PPFIA2: variants seen among roughly 807,000 people sequenced by gnomAD.
PPFIA2 encodes PPFI scaffold protein A2, also known as liprin-alpha-2.
Under a neutral mutation model 175.5 loss-of-function variants are expected in PPFIA2, and 46 were observed. The observed-to-expected ratio is 0.26, with a 90% confidence interval of 0.21 to 0.34. The LOEUF is 0.34. Ranked by LOEUF, PPFIA2 falls within the 10% of genes least tolerant of loss-of-function variation. The probability of loss-of-function intolerance (pLI) is 1.00; values close to 1 mark genes in which losing one functional copy is unlikely to be tolerated. For synonymous variants in PPFIA2, 568 were observed against 511.4 expected (o/e 1.11, Z -1.49); for missense variants, 1,179 against 1,506.1 (o/e 0.78, Z 3.60).
At chr12:81,659,621 C>T (rs539428309) in intron 4 of PPFIA2, among the ~76,000 whole-genome samples, 8 of 152,308 alleles carry the variant, frequency 5.3e-5, no homozygotes, top group Admixed American at 4.6e-4. Flanking sequence ...TAGACTCCAC[C>T]TCTGGGGGCA....
chr12:81,744,771 A>G (rs909291257), intron 3 of PPFIA2, among the ~76,000 whole-genome samples: 1 of 152,186 alleles, frequency 6.6e-6, no homozygotes, highest in African/African-American at 2.4e-5. Context: ...CAGGGTTTCC[A>G]GAGGACTTTA....
chr12:81,432,287 A>G (rs1361472899), intron 7 of PPFIA2, among the ~76,000 whole-genome samples: 1 of 152,078 alleles, frequency 6.6e-6, no homozygotes, highest in East Asian at 1.9e-4. Context: ...TTTAACAAAT[A>G]GATAGGGTCT....
intron 3 of PPFIA2, 41 bp downstream of exon 3, chr12:81,753,932 T>C: frequency 6.2e-7 from 1 of 1,601,842 alleles, no homozygotes; most frequent in South Asian, 1.1e-5. Context: ...TAACAAATGT[T>C]CAATTACAAT....
In PPFIA2 at chr12:81,325,173, T is replaced by C. The variant is rs74457628; in HGVS notation, c.2642+604A>G. 1.5e-3 allele frequency among the ~76,000 whole-genome samples: 233 copies of C among 152,246 alleles called. 4 individuals carry two copies. In the East Asian group the frequency reaches 0.028, roughly 19 times the overall value. On this transcript the variant is annotated intron_variant, in intron 22 of 32. Coordinates refer to ENST00000549396, the MANE Select transcript of PPFIA2 (RefSeq NM_003625.5). ...TGTCCTAAAGGTGCCATTTTGTCAA[T>C]GAAAATGTTACTATGTATTTTTAAA... is the stretch of plus-strand genomic sequence containing the variant.
chr12:81,268,852 TAGA>T (rs985021250), intron 28 of PPFIA2, among the ~76,000 whole-genome samples: 3 of 152,210 alleles, frequency 2.0e-5, no homozygotes, highest in Non-Finnish European at 4.4e-5. Flanking sequence ...GCATATAGAC[TAGA>T]AGATTTTTTT....
chr12:81,328,078 C>A (rs1260950454), intron 21 of PPFIA2, among the ~76,000 whole-genome samples: 3 of 152,150 alleles, frequency 2.0e-5, no homozygotes, highest in Non-Finnish European at 4.4e-5. Flanking sequence ...AATTAAAACA[C>A]TTCTGAGGGA....
chr12:81,608,164 A>G (rs1181412059), intron 4 of PPFIA2, among the ~76,000 whole-genome samples: 1 of 152,084 alleles, frequency 6.6e-6, no homozygotes, highest in Non-Finnish European at 1.5e-5. Context: ...GTGGTGAATT[A>G]GTTTTTTGAT....
At chr12:81,280,902 C>A (rs2041945553) in intron 27 of PPFIA2, among the ~76,000 whole-genome samples, 1 of 140,040 alleles carries the variant, frequency 7.1e-6, no homozygotes, top group Non-Finnish European at 1.6e-5. Flanking sequence ...AGAGTTGAAA[C>A]TATGAATTTG....
chr12:81,417,519 C>T (rs1193433937), intron 7 of PPFIA2, among the ~76,000 whole-genome samples: 1 of 151,056 alleles, frequency 6.6e-6, no homozygotes, highest in Non-Finnish European at 1.5e-5. Context: ...AAACAATATT[C>T]ATTAATCAAT....
intron 4 of PPFIA2, among the ~76,000 whole-genome samples, chr12:81,538,454 G>A (rs1390089349): frequency 2.0e-5 from 3 of 151,752 alleles, no homozygotes; most frequent in South Asian, 4.1e-4. Context: ...CAATAAATAT[G>A]TTTTATGTAA....
rs1189417657 is a variant in PPFIA2 at position 81,369,167 on chromosome 12, C to T, written c.1294G>A (p.Glu432Lys). Residue 432 changes from glutamate (E) to lysine (K), a missense_variant, in exon 12 of 33, where the codon GAA (glutamate) becomes AAA (lysine). Physicochemically the swap from Glu to Lys is moderately conservative, Grantham distance 56. Around this residue, in one of 10 missense-constraint regions of PPFIA2, gnomAD observed 66 missense variants for 129.4 expected, o/e 0.51. Coordinates refer to ENST00000549396, the MANE Select transcript of PPFIA2 (RefSeq NM_003625.5). ...TGACCCTCTAAATGTCTCATACGTT[C>T]TTCAATATTTCCATGTCTCTCTTCA... ...KAEERHGNIE[E>K]RMRHLEGQLE... The T allele has an allele frequency of 2.5e-6, 4 of 1,609,004 alleles. No individual in the cohort carries two copies. The highest frequency in any genetic ancestry group is 3.4e-6 in the Non-Finnish European group (4 of 1,176,986).
Position 81,331,499 on chromosome 12 carries a change from A to AT in PPFIA2, c.2549-5630dup, listed in dbSNP as rs1296721692. Among the ~76,000 whole-genome samples, 4 of 152,146 alleles carry AT rather than the reference A, an allele frequency of 2.6e-5. No homozygotes were observed. In the East Asian group the frequency reaches 7.7e-4, roughly 29 times the overall value. On this transcript the variant is annotated intron_variant, in intron 21 of 32. Transcript: ENST00000549396. ...GCTGTGTTTTTGTCACTGTGAAATT[A>AT]TTTTTTTATTAAGCCTATTATAGTA...
At chr12:81,428,046 T>C (rs2047454153) in intron 7 of PPFIA2, among the ~76,000 whole-genome samples, 1 of 151,974 alleles carries the variant, frequency 6.6e-6, no homozygotes, top group South Asian at 2.1e-4. Flanking sequence ...AAGCAATAAG[T>C]AATCTTTCTC....
Position 81,543,988 on chromosome 12 carries a change from T to C in PPFIA2, c.304-86122A>G, listed in dbSNP as rs146438615. 1.4e-3 allele frequency among the ~76,000 whole-genome samples: 218 copies of C among 152,186 alleles called. 1 individual carries two copies. The highest frequency in any genetic ancestry group is 1.3e-3 in the Non-Finnish European group (91 of 67,990). On this transcript the variant is annotated intron_variant, in intron 4 of 32. Coordinates refer to ENST00000549396, the MANE Select transcript of PPFIA2 (RefSeq NM_003625.5). The stretch of plus-strand genomic sequence containing the variant: ...TCTGAGAAACAGCCAAGATAAATAT[T>C]ATGTGGTATCCTGGAAGAGATCTTT...
At chr12:81,323,062 G>A (rs777164761) in intron 22 of PPFIA2, among the ~76,000 whole-genome samples, 3 of 152,048 alleles carry the variant, frequency 2.0e-5, no homozygotes, top group Non-Finnish European at 4.4e-5. Context: ...GCAAAAATTT[G>A]GAATGTCTTA....
At chr12:81,502,442 C>T (rs1184280637) in intron 4 of PPFIA2, among the ~76,000 whole-genome samples, 1 of 152,126 alleles carries the variant, frequency 6.6e-6, no homozygotes, top group Non-Finnish European at 1.5e-5. Context: ...CTATACTTCT[C>T]CCACTTCCAA....
intron 6 of PPFIA2, among the ~76,000 whole-genome samples, chr12:81,443,890 T>C (rs1862421448): frequency 7.7e-6 from 1 of 129,262 alleles, no homozygotes; most frequent in Non-Finnish European, 1.6e-5. Context: ...GGAGTCTCGC[T>C]GTCACCCAGG....
In PPFIA2 at chr12:81,333,730, T is replaced by C. The variant is rs148695532; in HGVS notation, c.2548+5450A>G. ...TCTATTTTTGGTGGGGGGGATAGCATTTAGGGGTAATACTAATCTTTTCAC... is the reference window on the plus strand; with the variant it reads ...TCTATTTTTGGTGGGGGGGATAGCACTTAGGGGTAATACTAATCTTTTCAC... On this transcript the variant is annotated intron_variant, in intron 21 of 32. Transcript: ENST00000549396. Among the ~76,000 whole-genome samples the C allele has an allele frequency of 3.1e-3, 474 of 152,256 alleles. 2 individuals carry two copies. The highest frequency in any genetic ancestry group is 0.011 in the African/African-American group (442 of 41,552).
chr12:81,487,402 G>A (rs1419275847), intron 4 of PPFIA2, among the ~76,000 whole-genome samples: 1 of 151,910 alleles, frequency 6.6e-6, no homozygotes, highest in Non-Finnish European at 1.5e-5. Flanking sequence ...TTACTGGGTT[G>A]TTGTGAGACT....
Sources: gnomAD v4.1 joint callset for allele counts (sites outside exome capture counted in the v4.1 genomes callset) on GRCh38, gnomAD v4.1.1 for gene constraint, gnomAD v4.1.1 regional missense constraint, MANE v1.5 for transcripts, NCBI Gene and HGNC (gene_info 2026-07-23, HGNC 2026-07-21) for gene names.